ATXN1: variants seen among roughly 807,000 people sequenced by gnomAD.
ATXN1 encodes ataxin 1, also known as ataxin-1.
A neutral mutation model predicts 56.4 loss-of-function variants in ATXN1; 8 were observed. That is an observed-to-expected ratio of 0.14 (90% CI 0.08 to 0.26). ATXN1 has a LOEUF of 0.26. ATXN1 is among the 10% of genes least tolerant of loss of function. ATXN1 has a pLI of 1.00. For missense variants in ATXN1, 987 were observed against 1,106.5 expected (o/e 0.89, Z 1.53); for synonymous variants, 514 against 494.6 (o/e 1.04, Z -0.52).
rs1352803084 is a variant in ATXN1, at chr6:16,760,413, G to A, written c.-730+885C>T. On this transcript the variant is annotated intron_variant, in intron 1 of 7. Coordinates refer to ENST00000436367, the MANE Select transcript of ATXN1 (RefSeq NM_001128164.2). This position sits in a 1 kb window ranked among gnomAD's most constrained non-coding sequence, Gnocchi z 5.3. Reference sequence around the variant, plus strand: ...GGGGCGCTCGCGGGCTCCCGGCTCCGGGCGGCGGCTGCCGCTGCACATGAT... The same window carrying A: ...GGGGCGCTCGCGGGCTCCCGGCTCCAGGCGGCGGCTGCCGCTGCACATGAT... Among the ~76,000 whole-genome samples the A allele has an allele frequency of 6.6e-6, 1 of 151,358 alleles. No homozygotes were observed.
At chr6:16,450,079 G>C (rs1272431609) in intron 6 of ATXN1, among the ~76,000 whole-genome samples, 1 of 152,180 alleles carries the variant, frequency 6.6e-6, no homozygotes, top group Non-Finnish European at 1.5e-5. Context: ...GATTGTGTTT[G>C]AAAAAGAAGT....
intron 4 of ATXN1, among the ~76,000 whole-genome samples, chr6:16,578,457 T>C (rs997199150): frequency 6.6e-6 from 1 of 152,384 alleles, no homozygotes; most frequent in Non-Finnish European, 1.5e-5. Context: ...TCTACATTTG[T>C]ACTCAACCAC....
intron 4 of ATXN1, among the ~76,000 whole-genome samples, chr6:16,571,553 G>A (rs1233443860): frequency 6.6e-6 from 1 of 151,904 alleles, no homozygotes; most frequent in South Asian, 2.1e-4. Flanking sequence ...GTGCAGTGGT[G>A]CAATCATAGC....
At chr6:16,715,009 A>G (rs1759609328) in intron 2 of ATXN1, among the ~76,000 whole-genome samples, 1 of 152,072 alleles carries the variant, frequency 6.6e-6, no homozygotes. Context: ...AAGTGGACAT[A>G]CACCTTCCCA....
At chr6:16,337,289 CT>C (rs1488252303) in intron 6 of ATXN1, among the ~76,000 whole-genome samples, 1 of 152,232 alleles carries the variant, frequency 6.6e-6, no homozygotes, top group Non-Finnish European at 1.5e-5. Context: ...TCTGCCACCC[CT>C]GGAAACATCA....
rs1758774628 is a variant in ATXN1 at position 16,410,501 on chromosome 6, G to C, written c.-161+75471C>G. Among the ~76,000 whole-genome samples the C allele has an allele frequency of 6.6e-6, 1 of 152,154 alleles. No homozygotes were observed. The highest frequency in any genetic ancestry group is 1.5e-5 in the Non-Finnish European group (1 of 68,020). ...TATGTTGGGCTTTTTCTGATGTAGC[G>C]ATATTTTGGAGATTATGGTTCAACC... is the stretch of plus-strand genomic sequence containing the variant. On this transcript the variant is annotated intron_variant, in intron 6 of 7. Coordinates refer to ENST00000436367, the MANE Select transcript of ATXN1 (RefSeq NM_001128164.2). The surrounding 1 kb of genome is among the most constrained non-coding windows in gnomAD (Gnocchi z 4.6).
intron 6 of ATXN1, among the ~76,000 whole-genome samples, chr6:16,396,495 T>A (rs898764305): frequency 2.6e-5 from 4 of 152,196 alleles, no homozygotes; most frequent in Non-Finnish European, 5.9e-5. Flanking sequence ...TATTTTAAAC[T>A]GAGTGCTATT....
At chr6:16,464,524 T>C (rs1760063022) in intron 6 of ATXN1, among the ~76,000 whole-genome samples, 1 of 152,150 alleles carries the variant, frequency 6.6e-6, no homozygotes. Flanking sequence ...TTTGGGTCCA[T>C]GCCATCTTTA....
At chr6:16,411,125 CAAAAAAA>C (rs746717153) in intron 6 of ATXN1, among the ~76,000 whole-genome samples, 3,941 of 80,686 alleles carry the variant, frequency 0.049, 148 homozygotes, top group African/African-American at 0.16. Flanking sequence ...ACCTCTGTGT[CAAAAAAA>C]AAAAAAAAAA....
intron 6 of ATXN1, among the ~76,000 whole-genome samples, chr6:16,417,742 CT>C (rs924165250): frequency 3.3e-5 from 5 of 151,088 alleles, no homozygotes; most frequent in Non-Finnish European, 4.4e-5. Context: ...GTGGCCACAA[CT>C]TTTTTTTTAA....
chr6:16,579,146 C>T lies in ATXN1; in HGVS notation c.-361+6634G>A, dbSNP rs73728018. Among the ~76,000 whole-genome samples the T allele has an allele frequency of 9.7e-3, 1,479 of 152,220 alleles. 29 individuals are homozygous for T. Among genetic ancestry groups the T allele is most frequent in the African/African-American group, 0.034 (1,403 of 41,498 alleles). ...CGAAATACTCATTTAAGGGGTTAAG[C>T]ATCTGGAAGAGGGTTGCCTTTGTGC... On this transcript the variant is annotated intron_variant, in intron 4 of 7. Coordinates refer to ENST00000436367, the MANE Select transcript of ATXN1 (RefSeq NM_001128164.2).
At chr6:16,588,238 G>A (rs543696015) in intron 3 of ATXN1, among the ~76,000 whole-genome samples, 4 of 152,088 alleles carry the variant, frequency 2.6e-5, no homozygotes, top group Admixed American at 6.5e-5. Flanking sequence ...ACGTCTCCCC[G>A]CGTCCACCCT....
At chr6:16,679,331 G>A (rs1302321915) in intron 2 of ATXN1, among the ~76,000 whole-genome samples, 1 of 150,240 alleles carries the variant, frequency 6.7e-6, no homozygotes, top group Non-Finnish European at 1.5e-5. Flanking sequence ...TGGGTGGGTG[G>A]ATAGGTGGAT....
In ATXN1 at chr6:16,760,490, T is replaced by C. The variant is rs1761052791; in HGVS notation, c.-730+808A>G. On this transcript the variant is annotated intron_variant, in intron 1 of 7. Coordinates refer to ENST00000436367, the MANE Select transcript of ATXN1 (RefSeq NM_001128164.2). The surrounding 1 kb of genome is among the most constrained non-coding windows in gnomAD (Gnocchi z 5.3). Reference sequence around the variant, plus strand: ...GCGGTGGCGGCGGCGGCCAGGGCCGTCACCGCCACTCCAGCCGCGCTCCAG... The same window carrying C: ...GCGGTGGCGGCGGCGGCCAGGGCCGCCACCGCCACTCCAGCCGCGCTCCAG... Among the ~76,000 whole-genome samples the C allele has an allele frequency of 1.3e-5, 2 of 150,392 alleles. No homozygotes were observed. Among genetic ancestry groups the C allele is most frequent in the African/African-American group, 2.4e-5 (1 of 41,062 alleles).
intron 5 of ATXN1, among the ~76,000 whole-genome samples, chr6:16,512,925 C>T (rs565005207): frequency 4.2e-4 from 64 of 152,330 alleles, no homozygotes; most frequent in Non-Finnish European, 7.1e-4. Flanking sequence ...CTTGCACTCA[C>T]GTTTCTCTTT....
intron 6 of ATXN1, among the ~76,000 whole-genome samples, chr6:16,418,567 TA>T (rs1189939067): frequency 1.3e-5 from 2 of 152,022 alleles, no homozygotes; most frequent in African/African-American, 2.4e-5. Context: ...TTTATTTTAT[TA>T]TTATTATACT....
At chr6:16,373,591 C>T (rs1378449785) in intron 6 of ATXN1, among the ~76,000 whole-genome samples, 2 of 152,134 alleles carry the variant, frequency 1.3e-5, no homozygotes, top group Non-Finnish European at 2.9e-5. Context: ...GTAGGAGGGA[C>T]CTGCTGGGAG....
At position 16,328,835 on chromosome 6, in the gene ATXN1, G is replaced by T. The variant is rs907826431; in HGVS notation, c.-160-365C>A. Among the ~76,000 whole-genome samples the T allele has an allele frequency of 1.3e-5, 2 of 152,162 alleles. No homozygotes were observed. Among genetic ancestry groups the T allele is most frequent in the Non-Finnish European group, 2.9e-5 (2 of 68,020 alleles). On this transcript the variant is annotated intron_variant, in intron 6 of 7. Coordinates refer to ENST00000436367, the MANE Select transcript of ATXN1 (RefSeq NM_001128164.2). This position sits in a 1 kb window ranked among gnomAD's most constrained non-coding sequence, Gnocchi z 6.2. ...CCAGCTACTTGAGAGGCTGAGGCAG[G>T]AGAATTGCTTGAACCCAGGAGGCAG...
At chr6:16,425,073 T>C (rs932411) in intron 6 of ATXN1, among the ~76,000 whole-genome samples, 50,667 of 152,168 alleles carry the variant, frequency 0.33, 8,823 homozygotes, top group East Asian at 0.6. Context: ...ATTTGAGCTA[T>C]GGCCTTTTTT....
Sources: allele counts gnomAD v4.1 joint callset (sites outside exome capture counted in the v4.1 genomes callset), GRCh38; gene constraint gnomAD v4.1.1; non-coding constraint Gnocchi (gnomAD v3.1); transcripts MANE v1.5; gene names NCBI Gene and HGNC (gene_info 2026-07-23, HGNC 2026-07-21).